TACC2: variants seen among roughly 807,000 people sequenced by gnomAD.
The protein encoded by TACC2 is transforming acidic coiled-coil containing protein 2.
Under a neutral mutation model 227.3 loss-of-function variants are expected in TACC2, and 137 were observed. The observed-to-expected ratio is 0.60, with a 90% CI of 0.52 to 0.69. The LOEUF is 0.69. Among genes scored for constraint, TACC2 ranks in the 30% least tolerant of loss-of-function variants. The pLI is 0.00. For synonymous variants in TACC2, 1,523 were observed against 1,487.5 expected, an observed-to-expected ratio of 1.02 and a Z score of -0.55; for missense variants, 3,470 against 3,694.4, an observed-to-expected ratio of 0.94 and a Z score of 1.57.
At chr10:122,071,473 T>C (rs973414645) in intron 3 of TACC2, among the ~76,000 whole-genome samples, 1 of 152,060 alleles carries the variant, frequency 6.6e-6, no homozygotes, top group African/African-American at 2.4e-5. Flanking sequence ...GGTTAAAAGA[T>C]AGTTTTCGAA....
intron 2 of TACC2, among the ~76,000 whole-genome samples, chr10:122,031,498 G>C (rs2135794064): frequency 7.0e-6 from 1 of 142,948 alleles, no homozygotes; most frequent in South Asian, 2.2e-4. Flanking sequence ...TCCACCTTCT[G>C]GGTTCATGCC....
At chr10:122,126,628 A>G (rs2086925869) in intron 5 of TACC2, 2 of 152,138 alleles carry the variant, frequency 1.3e-5, no homozygotes, top group Non-Finnish European at 2.9e-5. Context: ...TATTCTTTGT[A>G]ATAAATAACA....
At chr10:122,157,345 G>C (rs190412570) in intron 7 of TACC2, among the ~76,000 whole-genome samples, 10 of 152,214 alleles carry the variant, frequency 6.6e-5, no homozygotes, top group Non-Finnish European at 1.2e-4. Flanking sequence ...ATTGCCAGGA[G>C]AGCTGAGGAG....
At position 122,084,840 on chromosome 10, in the gene TACC2, TC is replaced by T. The variant is rs750901207; in HGVS notation, c.2347del (p.Gln783ArgfsTer32). ...RQEFHAGVPH[P>X]PQGENLAADL... The stretch of plus-strand genomic sequence containing the variant: ...AGGAATTTCATGCTGGGGTGCCACA[TC>T]CCCCCCAGGGGGAGAACTTGGCAGC... On this transcript the variant is annotated frameshift_variant, in exon 4 of 23. Coordinates refer to ENST00000369005, the MANE Select transcript of TACC2 (RefSeq NM_206862.4). LOFTEE classifies it high-confidence loss of function. 1.1e-5 allele frequency: 17 copies of T among 1,613,122 alleles called. No homozygotes were observed. The highest frequency in any genetic ancestry group is 1.3e-5 in the Non-Finnish European group (15 of 1,179,882).
intron 7 of TACC2, among the ~76,000 whole-genome samples, chr10:122,191,003 GATTTGAGACTTAGCTTCC>G (rs1196230072): frequency 2.0e-5 from 3 of 152,322 alleles, no homozygotes; most frequent in Admixed American, 6.5e-5. Flanking sequence ...GGCAGTTCTG[GATTTGAGACTTAGCTTCC>G]ATCATTTAGT....
chr10:122,248,494 T>C, intron 19 of TACC2, 149 bp from the exon 20 acceptor site: 1 of 885,236 alleles, frequency 1.1e-6, no homozygotes, highest in Non-Finnish European at 1.8e-6. Context: ...CTGGGAGGGC[T>C]CTGGGGCGTG....
At chr10:122,215,249 C>T (rs902322183) in intron 9 of TACC2, 142 bp from the exon 10 acceptor site, 10 of 689,628 alleles carry the variant, frequency 1.5e-5, no homozygotes, top group East Asian at 5.2e-5. Context: ...CGTGGCCTCT[C>T]GCTGGTGCTG....
intron 16 of TACC2, among the ~76,000 whole-genome samples, chr10:122,233,184 C>T (rs1270441912): frequency 6.6e-6 from 1 of 152,182 alleles, no homozygotes; most frequent in Non-Finnish European, 1.5e-5. Context: ...ACTTTCCTTC[C>T]ACATCCTTCT....
intron 3 of TACC2, among the ~76,000 whole-genome samples, chr10:122,062,553 A>G (rs2136457510): frequency 6.6e-6 from 1 of 150,814 alleles, no homozygotes; most frequent in African/African-American, 2.4e-5. Context: ...ACCTTAGGTG[A>G]TCCACCTGCC....
chr10:122,239,813 C>T (rs974895481), intron 18 of TACC2, among the ~76,000 whole-genome samples: 2 of 152,092 alleles, frequency 1.3e-5, no homozygotes, highest in Admixed American at 6.6e-5. Context: ...TTTGGTAGCC[C>T]GAATGTCAGC....
chr10:122,012,549 C>T (rs912744432), intron 1 of TACC2, among the ~76,000 whole-genome samples: 2 of 152,024 alleles, frequency 1.3e-5, no homozygotes, highest in African/African-American at 4.8e-5. Flanking sequence ...CCACCACTCC[C>T]AGCCAAACCT....
At chr10:122,151,471 A>T (rs999378055) in intron 7 of TACC2, among the ~76,000 whole-genome samples, 5 of 152,082 alleles carry the variant, frequency 3.3e-5, no homozygotes, top group African/African-American at 1.2e-4. Context: ...TGGAGGGACT[A>T]GAGGGAGGTA....
chr10:122,109,318 G>C (rs1038192936), intron 5 of TACC2, among the ~76,000 whole-genome samples: 1 of 152,076 alleles, frequency 6.6e-6, no homozygotes, highest in African/African-American at 2.4e-5. Flanking sequence ...AATTTTTTGA[G>C]AGTACATTCT....
chr10:122,171,693 A>G (rs1565497632), intron 7 of TACC2, among the ~76,000 whole-genome samples: 1 of 152,232 alleles, frequency 6.6e-6, no homozygotes, highest in Admixed American at 6.5e-5. Flanking sequence ...GTGCTAAAAG[A>G]AAATGTTTGT....
intron 3 of TACC2, among the ~76,000 whole-genome samples, chr10:122,074,504 A>G (rs542694328): frequency 6.6e-6 from 1 of 152,148 alleles, no homozygotes; most frequent in African/African-American, 2.4e-5. Context: ...GTTAGCCATT[A>G]ATAATTGATG....
intron 5 of TACC2, among the ~76,000 whole-genome samples, chr10:122,112,083 A>T (rs936950730): frequency 5.9e-5 from 9 of 152,186 alleles, no homozygotes; most frequent in African/African-American, 1.9e-4. Context: ...AGAGGAGGAA[A>T]GGAAGTGCTG....
rs138480272 is a variant in TACC2 at position 122,107,308 on chromosome 10, G to A, written c.5573+18717G>A. Among the ~76,000 whole-genome samples, 1,378 of 152,230 alleles carry A rather than the reference G, an allele frequency of 9.1e-3. 7 individuals are homozygous for A. The highest frequency in any genetic ancestry group is 0.015 in the Non-Finnish European group (988 of 68,010). ...CCAGCACTTTGGGAGGCCGAGGCGC[G>A]TGGATCACTTGAGGTCACACGTCTA... On this transcript the variant is annotated intron_variant, in intron 5 of 22. Coordinates refer to ENST00000369005, the MANE Select transcript of TACC2 (RefSeq NM_206862.4).
At chr10:122,191,816 T>G (rs934865862) in intron 7 of TACC2, among the ~76,000 whole-genome samples, 2 of 152,212 alleles carry the variant, frequency 1.3e-5, no homozygotes, top group Non-Finnish European at 2.9e-5. Context: ...TTAATTTTCT[T>G]TTCTTTCATT....
intron 8 of TACC2, among the ~76,000 whole-genome samples, chr10:122,204,864 G>A (rs2095051815): frequency 6.6e-6 from 1 of 151,996 alleles, no homozygotes; most frequent in African/African-American, 2.4e-5. Context: ...TGCTCTAGGT[G>A]GAGCCAGGAT....
Sources: gnomAD v4.1 joint callset for allele counts (sites outside exome capture counted in the v4.1 genomes callset) on GRCh38, gnomAD v4.1.1 for gene constraint, MANE v1.5 for transcripts, NCBI Gene and HGNC (gene_info 2026-07-23, HGNC 2026-07-21) for gene names.